Variants in CKAP5 observed in about 807,000 individuals in gnomAD.
CKAP5 encodes cytoskeleton-associated protein 5.
Under a neutral mutation model 232.8 loss-of-function variants are expected in CKAP5, and 27 were observed. The observed-to-expected ratio is 0.12, with a 90% confidence interval of 0.09 to 0.16. The LOEUF (loss-of-function observed/expected upper bound fraction) is 0.16, where lower values mean the gene tolerates loss of function less well. CKAP5 is among the 10% of genes least tolerant of loss of function. The pLI, the probability that CKAP5 is intolerant of heterozygous loss-of-function variation, is 1.00. For missense variants in CKAP5, 1,838 were observed against 2,424.7 expected, an observed-to-expected ratio of 0.76 and a Z score of 5.08; for synonymous variants, 785 against 841.1, an observed-to-expected ratio of 0.93 and a Z score of 1.16.
chr11:46,841,614 A>AAG (rs1940053770), intron 1 of CKAP5, among the ~76,000 whole-genome samples: 1 of 152,188 alleles, frequency 6.6e-6, no homozygotes, highest in Non-Finnish European at 1.5e-5. Flanking sequence ...TCAATTACTA[A>AAG]AGGTAAAAGT....
At chr11:46,772,119 G>A (rs1206257618) in intron 24 of CKAP5, among the ~76,000 whole-genome samples, 2 of 150,534 alleles carry the variant, frequency 1.3e-5, no homozygotes, top group Non-Finnish European at 2.9e-5. Flanking sequence ...CTACTCACAG[G>A]CTTGGCCATG....
intron 18 of CKAP5, among the ~76,000 whole-genome samples, chr11:46,783,002 T>C (rs1178034205): frequency 1.3e-5 from 2 of 152,214 alleles, no homozygotes; most frequent in African/African-American, 4.8e-5. Flanking sequence ...CCTAATGTAT[T>C]TGACTAGAAA....
chr11:46,828,828 A>C (rs562647464), intron 1 of CKAP5, among the ~76,000 whole-genome samples: 1 of 152,088 alleles, frequency 6.6e-6, no homozygotes, highest in African/African-American at 2.4e-5. Flanking sequence ...AGAACCAGAA[A>C]GTAGAATGGT....
chr11:46,744,171 TGA>T lies in CKAP5; in HGVS notation c.5949_5950del (p.Gln1984AlafsTer16). 6.2e-7 allele frequency: 1 copy of T among 1,614,136 alleles called. No individual in the cohort carries two copies. The highest frequency in any genetic ancestry group is 8.5e-7 in the Non-Finnish European group (1 of 1,180,032). Reference sequence around the variant, plus strand: ...GTGCTGCTCCCGTGACTCCCGGAGCTGAGAGAGTTTGCTGTGGAGCATGTCTG... The same window carrying T: ...GTGCTGCTCCCGTGACTCCCGGAGCTGAGAGTTTGCTGTGGAGCATGTCTG... On this transcript the variant is annotated frameshift_variant, in exon 44 of 44. Transcript: ENST00000529230. LOFTEE classifies it high-confidence loss of function.
intron 37 of CKAP5, 194 bp downstream of exon 37, chr11:46,753,116 A>G (rs765538626): frequency 1.4e-5 from 7 of 487,158 alleles, no homozygotes; most frequent in Admixed American, 7.7e-5. Context: ...AAGAGTAATA[A>G]ATCAACTTCC....
intron 2 of CKAP5, among the ~76,000 whole-genome samples, chr11:46,819,868 A>G (rs1279901063): frequency 6.6e-6 from 1 of 152,158 alleles, no homozygotes; most frequent in Non-Finnish European, 1.5e-5. Flanking sequence ...TAACCAATTT[A>G]AACCAGATTT....
intron 1 of CKAP5, among the ~76,000 whole-genome samples, chr11:46,843,663 G>C (rs1940112251): frequency 6.6e-6 from 1 of 151,490 alleles, no homozygotes; most frequent in Non-Finnish European, 1.5e-5. Context: ...CCTGGAGGTG[G>C]AGGCTGCAGT....
chr11:46,750,145 T>C (rs955453987), intron 42 of CKAP5, 129 bp downstream of exon 42: 19 of 831,612 alleles, frequency 2.3e-5, no homozygotes, highest in Admixed American at 1.3e-4. Flanking sequence ...GATATAGCAA[T>C]GGGAAGGCCA....
chr11:46,831,202 TC>T (rs1209989493), intron 1 of CKAP5, among the ~76,000 whole-genome samples: 2 of 151,928 alleles, frequency 1.3e-5, no homozygotes, highest in South Asian at 4.1e-4. Flanking sequence ...AGCTTCAGCA[TC>T]TTTTATAATA....
chr11:46,787,326 C>A (rs1347714127), intron 16 of CKAP5, among the ~76,000 whole-genome samples: 1 of 152,142 alleles, frequency 6.6e-6, no homozygotes, highest in Non-Finnish European at 1.5e-5. Context: ...GAGGTGGCAG[C>A]AGAAGAGAAA....
intron 1 of CKAP5, among the ~76,000 whole-genome samples, chr11:46,823,388 T>C (rs1939587685): frequency 6.6e-6 from 1 of 152,106 alleles, no homozygotes; most frequent in South Asian, 2.1e-4. Context: ...AAAGTACGTA[T>C]CCAGTTTTTT....
Position 46,778,466 on chromosome 11 carries a change from T to C in CKAP5, c.2567A>G (p.Glu856Gly), listed in dbSNP as rs546629385. ...TTCACAGACTGGAACCTACCTGATC[T>C]CCGTCCTCGGCAAAAGATCAACGAC... is the stretch of plus-strand genomic sequence containing the variant. Reference protein sequence around the residue: ...NDVVDLLPRTEISDKITSELV... With the variant: ...NDVVDLLPRTGISDKITSELV... Residue 856 changes from glutamate (E) to glycine (G), a missense_variant, in exon 21 of 44, where the codon GAG becomes GGG. This residue lies in a region of CKAP5 where 767 missense variants were observed against 954.6 expected (regional missense o/e 0.80). Transcript: ENST00000529230. 13 of 1,614,058 alleles carry C rather than the reference T, an allele frequency of 8.1e-6. No homozygotes were observed. Among genetic ancestry groups the C allele is most frequent in the Non-Finnish European group, 1.0e-5 (12 of 1,180,012 alleles).
At position 46,788,589 on chromosome 11, in the gene CKAP5, C is replaced by T. The variant is rs1031283160; in HGVS notation, c.1968+92G>A. On this transcript the variant is annotated intron_variant, in intron 16 of 43. Transcript: ENST00000529230. ...AACTCCGTCTCAAAAAAAAAAAAAT[C>T]ATTACGAAAACTATTCTGCTGTATT... 3 of 773,772 alleles carry T rather than the reference C, an allele frequency of 3.9e-6. No homozygotes were observed. The African/African-American group carries it at 5.5e-5, about 14-fold the overall frequency. 47.9% of individuals were successfully genotyped at this position (773,772 alleles called of 1,614,324 possible). A position where few individuals can be genotyped will look rare whatever the true frequency, so the allele number is the denominator to read the frequency against.
At chr11:46,783,107 A>G (rs898640922) in intron 18 of CKAP5, 167 bp downstream of exon 18, 7 of 403,462 alleles carry the variant, frequency 1.7e-5, no homozygotes, top group African/African-American at 1.4e-4. Flanking sequence ...GCAGGAACAC[A>G]AGCCAATATA....
intron 1 of CKAP5, among the ~76,000 whole-genome samples, chr11:46,826,069 AAC>A (rs1168292009): frequency 6.6e-6 from 1 of 152,172 alleles, no homozygotes; most frequent in Non-Finnish European, 1.5e-5. Context: ...CAGAAATCTG[AAC>A]AGTTTTCTAG....
At chr11:46,744,680 T>C in intron 42 of CKAP5, 103 bp from the exon 43 acceptor site, 7 of 1,157,152 alleles carry the variant, frequency 6.0e-6, no homozygotes, top group Non-Finnish European at 7.4e-6. Context: ...GAATTTCCTA[T>C]ACTTGAAAAC....
chr11:46,802,557 GACAC>G (rs1254439046), intron 8 of CKAP5, among the ~76,000 whole-genome samples: 1 of 147,446 alleles, frequency 6.8e-6, no homozygotes, highest in Non-Finnish European at 1.5e-5. Context: ...CAGACAGACA[GACAC>G]ACACACACAC....
At chr11:46,845,469 ACAAC>A (rs1940164212) in intron 1 of CKAP5, among the ~76,000 whole-genome samples, 1 of 152,246 alleles carries the variant, frequency 6.6e-6, no homozygotes, top group African/African-American at 2.4e-5. Context: ...TCCAAGAAAC[ACAAC>A]GGAATGCATT....
At chr11:46,745,417 A>C (rs1436287251) in intron 42 of CKAP5, among the ~76,000 whole-genome samples, 1 of 152,220 alleles carries the variant, frequency 6.6e-6, no homozygotes, top group Non-Finnish European at 1.5e-5. Flanking sequence ...GAGATGTCTG[A>C]ATACTCTAAG....
Sources: gnomAD v4.1 joint callset for allele counts (sites outside exome capture counted in the v4.1 genomes callset) on GRCh38, gnomAD v4.1.1 for gene constraint, gnomAD v4.1.1 regional missense constraint, MANE v1.5 for transcripts, NCBI Gene and HGNC (gene_info 2026-07-23, HGNC 2026-07-21) for gene names.